The following CABP7 variants were observed in gnomAD, a reference collection of about 807,000 sequenced individuals.
CABP7 encodes calcium binding protein 7.
A neutral mutation model predicts 23.1 loss-of-function variants in CABP7; 13 were observed. The ratio of observed to expected loss-of-function variants is 0.56; its 90% CI spans 0.37 to 0.90. The LOEUF (loss-of-function observed/expected upper bound fraction) is 0.90, where lower values mean the gene tolerates loss of function less well. Among genes scored for constraint, CABP7 ranks in the 40% least tolerant of loss-of-function variants. The pLI is 0.01. For missense variants in CABP7, 248 were observed against 295.6 expected, an observed-to-expected ratio of 0.84 and a Z score of 1.18; for synonymous variants, 123 against 115.3, an observed-to-expected ratio of 1.07 and a Z score of -0.43.
chr22:29,731,119 C>A lies in CABP7; in HGVS notation c.*1550C>A. 1 of 1,255,724 alleles carries A rather than the reference C, an allele frequency of 8.0e-7. No homozygotes were observed. Among genetic ancestry groups the A allele is most frequent in the Non-Finnish European group, 1.1e-6 (1 of 946,828 alleles). The allele number at this position is 1,255,724 out of a possible 1,614,324, so 77.8% of individuals were successfully genotyped here. ...TGTCCTGAGCCTCAGTGAGGCTGGG[C>A]AGATGGTCTCGGAGCCTCCATGGGG... On this transcript the variant is annotated 3_prime_UTR_variant, in exon 5 of 5. Transcript: ENST00000216144.
chr22:29,729,331 C>T, intron 4 of CABP7, 111 bp from the exon 5 acceptor site: 2 of 1,576,044 alleles, frequency 1.3e-6, no homozygotes, highest in Non-Finnish European at 1.7e-6. Flanking sequence ...GCCTCTGTCC[C>T]ATTGGGGCAC....
rs1434151708 is a variant in CABP7, at chr22:29,729,671, T to C, written c.*102T>C. The C allele has an allele frequency of 2.3e-5, 33 of 1,465,556 alleles. No individual in the cohort carries two copies. Among genetic ancestry groups the C allele is most frequent in the Admixed American group, 3.7e-5 (2 of 54,026 alleles). 90.8% of individuals were successfully genotyped at this position (1,465,556 alleles called of 1,614,324 possible). On this transcript the variant is annotated 3_prime_UTR_variant, in exon 5 of 5. Transcript: ENST00000216144. ...CCTTGGCCGGCTCCCTGGGCCGCCA[T>C]CTGCGTGTACTTCAGGGCCTGGGTA... is the stretch of plus-strand genomic sequence containing the variant.
chr22:29,726,885 A>T (rs143442712), intron 1 of CABP7, among the ~76,000 whole-genome samples: 1,535 of 152,344 alleles, frequency 0.01, 25 homozygotes, highest in African/African-American at 0.035. Context: ...ACTGTGTGCC[A>T]GGGAGTCCCC....
chr22:29,722,538 T>C (rs1449939448), intron 1 of CABP7, among the ~76,000 whole-genome samples: 2 of 152,222 alleles, frequency 1.3e-5, no homozygotes, highest in Non-Finnish European at 2.9e-5. Flanking sequence ...TCCCAGCTCA[T>C]CTCTGGCCCA....
Position 29,729,218 on chromosome 22 carries a change from TG to T in CABP7, c.520+12del, listed in dbSNP as rs752618331. The stretch of plus-strand genomic sequence containing the variant: ...CCCGTGGATGTGGAGAGTGAGTGGC[TG>T]GCCCTGGAACCCCACGGGTGGGCCC... On this transcript the variant is annotated intron_variant, in intron 4 of 4. Coordinates refer to ENST00000216144, the MANE Select transcript of CABP7 (RefSeq NM_182527.3). The T allele has an allele frequency of 5.5e-5, 88 of 1,600,306 alleles. No individual in the cohort carries two copies. The highest frequency in any genetic ancestry group is 2.9e-5 in the Non-Finnish European group (34 of 1,174,538).
rs1385704071 is a variant in CABP7, at chr22:29,720,811, G to A, written c.109+278G>A. Among the ~76,000 whole-genome samples, 1 of 151,354 alleles carries A rather than the reference G, an allele frequency of 6.6e-6. No individual in the cohort carries two copies. Among genetic ancestry groups the A allele is most frequent in the Non-Finnish European group, 1.5e-5 (1 of 67,756 alleles). Reference sequence around the variant, plus strand: ...GGCCCCGCAGCGGGGTCACGGGGCCGCGCAGTCGGCGGTGACGGTGCGGCA... The same window carrying A: ...GGCCCCGCAGCGGGGTCACGGGGCCACGCAGTCGGCGGTGACGGTGCGGCA... On this transcript the variant is annotated intron_variant, in intron 1 of 4. Coordinates refer to ENST00000216144, the MANE Select transcript of CABP7 (RefSeq NM_182527.3). This position sits in a 1 kb window ranked among gnomAD's most constrained non-coding sequence, Gnocchi z 5.2.
rs561380414 is a variant in CABP7 at position 29,728,956 on chromosome 22, C to T, written c.367-99C>T. On this transcript the variant is annotated intron_variant, in intron 3 of 4. Transcript: ENST00000216144. ...GAATGGAGCAAGTGTTTTCCAGCCC[C>T]CCAGAATCTAGAGGCCTGTCACCGG... is the stretch of plus-strand genomic sequence containing the variant. The T allele has an allele frequency of 1.8e-4, 266 of 1,463,626 alleles. 1 individual carries two copies. In the African/African-American group the frequency reaches 3.2e-3, roughly 17 times the overall value. 90.7% of individuals were successfully genotyped at this position (1,463,626 alleles called of 1,614,324 possible).
In CABP7 at chr22:29,727,938, C is replaced by G. The variant is rs985437650; in HGVS notation, c.253+133C>G. On this transcript the variant is annotated intron_variant, in intron 2 of 4. Transcript: ENST00000216144. This position sits in a 1 kb window ranked among gnomAD's most constrained non-coding sequence, Gnocchi z 4.2. ...TCCCCTGACTCCCACCCTCAAAGTC[C>G]GTGGCAGGTTGCAGCCCGGTCTGGC... 3.7e-4 allele frequency: 403 copies of G among 1,075,314 alleles called. 1 individual carries two copies. The highest frequency in any genetic ancestry group is 3.7e-3 in the Middle Eastern group (12 of 3,244). The allele number at this position is 1,075,314 out of a possible 1,614,324, so 66.6% of individuals were successfully genotyped here.
Position 29,720,563 on chromosome 22 carries a change from C to A in CABP7, c.109+30C>A. 1.4e-6 allele frequency: 2 copies of A among 1,458,562 alleles called. No individual in the cohort carries two copies. Among genetic ancestry groups the A allele is most frequent in the Non-Finnish European group, 1.8e-6 (2 of 1,086,842 alleles). The allele number at this position is 1,458,562 out of a possible 1,614,324, so 90.4% of individuals were successfully genotyped here. A position where few individuals can be genotyped will look rare whatever the true frequency, so the allele number is the denominator to read the frequency against. ...GTGTCCGCCGGGATCCCCGCCCCGG[C>A]GGCCCTCCTACCTGTGCGCCCAGGT... On this transcript the variant is annotated intron_variant, in intron 1 of 4. Coordinates refer to ENST00000216144, the MANE Select transcript of CABP7 (RefSeq NM_182527.3). This position sits in a 1 kb window ranked among gnomAD's most constrained non-coding sequence, Gnocchi z 5.2.
At chr22:29,723,414 C>G (rs2067775241) in intron 1 of CABP7, among the ~76,000 whole-genome samples, 1 of 152,178 alleles carries the variant, frequency 6.6e-6, no homozygotes, top group African/African-American at 2.4e-5. Context: ...GGGACATACA[C>G]CTTTTCCAAC....
In CABP7 at chr22:29,729,934, G is replaced by A. The variant is rs2067826978; in HGVS notation, c.*365G>A. The A allele has an allele frequency of 4.2e-6, 1 of 238,440 alleles. No homozygotes were observed. The highest frequency in any genetic ancestry group is 8.2e-6 in the Non-Finnish European group (1 of 121,780). The allele number at this position is 238,440 out of a possible 1,614,324, so 14.8% of individuals were successfully genotyped here. On this transcript the variant is annotated 3_prime_UTR_variant, in exon 5 of 5. Transcript: ENST00000216144. ...TCCCTTGGGCAGGAGCGGGCACCCT[G>A]TGCCTTGAGACAGCAGCCTATCTGG... is the stretch of plus-strand genomic sequence containing the variant.
At position 29,731,396 on chromosome 22, in the gene CABP7, C is replaced by G. The variant is rs2067842536; in HGVS notation, c.*1827C>G. 1 of 1,530,680 alleles carries G rather than the reference C, an allele frequency of 6.5e-7. No individual in the cohort carries two copies. The highest frequency in any genetic ancestry group is 1.3e-5 in the South Asian group (1 of 76,534). The allele number at this position is 1,530,680 out of a possible 1,614,324, so 94.8% of individuals were successfully genotyped here. Reference sequence around the variant, plus strand: ...AAGCGGGGAGAATAAGAGTGCACTACAGCCCAGGCTTATGCCACCCCCAGC... The same window carrying G: ...AAGCGGGGAGAATAAGAGTGCACTAGAGCCCAGGCTTATGCCACCCCCAGC... On this transcript the variant is annotated 3_prime_UTR_variant, in exon 5 of 5. Coordinates refer to ENST00000216144, the MANE Select transcript of CABP7 (RefSeq NM_182527.3).
chr22:29,722,678 C>A (rs1056721814), intron 1 of CABP7, among the ~76,000 whole-genome samples: 1 of 152,264 alleles, frequency 6.6e-6, no homozygotes, highest in Non-Finnish European at 1.5e-5. Flanking sequence ...CTGGCCATTC[C>A]TGGCACGGAT....
In CABP7 at chr22:29,731,118, G is replaced by T; in HGVS notation, c.*1549G>T. 1.6e-6 allele frequency: 2 copies of T among 1,253,262 alleles called. No individual in the cohort carries two copies. Among genetic ancestry groups the T allele is most frequent in the African/African-American group, 1.6e-5 (1 of 63,880 alleles). 77.6% of individuals were successfully genotyped at this position (1,253,262 alleles called of 1,614,324 possible). ...GTGTCCTGAGCCTCAGTGAGGCTGGGCAGATGGTCTCGGAGCCTCCATGGG... is the reference window on the plus strand; with the variant it reads ...GTGTCCTGAGCCTCAGTGAGGCTGGTCAGATGGTCTCGGAGCCTCCATGGG... On this transcript the variant is annotated 3_prime_UTR_variant, in exon 5 of 5. Coordinates refer to ENST00000216144, the MANE Select transcript of CABP7 (RefSeq NM_182527.3).
chr22:29,728,555 A>C (rs890628478), intron 2 of CABP7, 75 bp from the exon 3 acceptor site: 2 of 928,074 alleles, frequency 2.2e-6, no homozygotes, highest in African/African-American at 3.3e-5. Context: ...TCAAGACTCC[A>C]TCCCAGGACC....
At position 29,728,630 on chromosome 22, in the gene CABP7, G is replaced by A. The variant is rs768600661; in HGVS notation, c.254G>A (p.Gly85Asp). ...EVIIQRLDMD[G>D]DGQVDFEEFV... Reference sequence around the variant, plus strand: ...TTGATTGGACCTGTGCCTCCACCAGGTGATGGTCAAGTGGACTTTGAGGAG... The same window carrying A: ...TTGATTGGACCTGTGCCTCCACCAGATGATGGTCAAGTGGACTTTGAGGAG... The change falls in exon 3 of 5, where the codon GGT (glycine) becomes GAT (aspartate). Residue 85 changes from glycine to aspartate, a missense_variant and splice_region_variant. Coordinates refer to ENST00000216144, the MANE Select transcript of CABP7 (RefSeq NM_182527.3). 137 of 1,604,050 alleles carry A rather than the reference G, an allele frequency of 8.5e-5. 1 individual carries two copies. Among genetic ancestry groups the A allele is most frequent in the Non-Finnish European group, 1.1e-4 (131 of 1,171,278 alleles).
Position 29,731,356 on chromosome 22 carries a change from T to G in CABP7, c.*1787T>G. 1 of 1,480,642 alleles carries G rather than the reference T, an allele frequency of 6.8e-7. No homozygotes were observed. The highest frequency in any genetic ancestry group is 9.0e-7 in the Non-Finnish European group (1 of 1,106,540). 91.7% of individuals were successfully genotyped at this position (1,480,642 alleles called of 1,614,324 possible). On this transcript the variant is annotated 3_prime_UTR_variant, in exon 5 of 5. Transcript: ENST00000216144. ...ACAGTGGTTCTGATGGGTTCAGCCC[T>G]AGAGAGAGAGAGAGAAGCGGGGAGA...
At chr22:29,723,155 C>T (rs185014818) in intron 1 of CABP7, among the ~76,000 whole-genome samples, 239 of 152,194 alleles carry the variant, frequency 1.6e-3, no homozygotes, top group Admixed American at 2.7e-3. Flanking sequence ...GAGGCTGGAG[C>T]GTGCAGGGCC....
chr22:29,731,147 T>C lies in CABP7; in HGVS notation c.*1578T>C, dbSNP rs770623089. 5.8e-5 allele frequency: 82 copies of C among 1,403,094 alleles called. No homozygotes were observed. The highest frequency in any genetic ancestry group is 5.2e-4 in the Middle Eastern group (2 of 3,844). 86.9% of individuals were successfully genotyped at this position (1,403,094 alleles called of 1,614,324 possible). On this transcript the variant is annotated 3_prime_UTR_variant, in exon 5 of 5. Transcript: ENST00000216144. ...ATGGTCTCGGAGCCTCCATGGGGCGTAGCAGGAACCGGGCTTGGCTTCCTA... is the reference window on the plus strand; with the variant it reads ...ATGGTCTCGGAGCCTCCATGGGGCGCAGCAGGAACCGGGCTTGGCTTCCTA...
Sources: allele counts gnomAD v4.1 joint callset (sites outside exome capture counted in the v4.1 genomes callset), GRCh38; gene constraint gnomAD v4.1.1; non-coding constraint Gnocchi (gnomAD v3.1); transcripts MANE v1.5; gene names NCBI Gene and HGNC (gene_info 2026-07-23, HGNC 2026-07-21).